The following GTF2IRD1 variants were observed in gnomAD, a reference collection of about 807,000 sequenced individuals.
GTF2IRD1 encodes the protein GTF2I repeat domain containing 1.
Under a neutral mutation model 113.2 loss-of-function variants are expected in GTF2IRD1, and 26 were observed. That is an observed-to-expected ratio of 0.23 (90% CI 0.17 to 0.32). The LOEUF (loss-of-function observed/expected upper bound fraction) is 0.32, where lower values mean the gene tolerates loss of function less well. Among genes scored for constraint, GTF2IRD1 ranks in the 10% least tolerant of loss-of-function variants. The probability of loss-of-function intolerance (pLI) is 1.00; values close to 1 mark genes in which losing one functional copy is unlikely to be tolerated. For missense variants in GTF2IRD1, 864 were observed against 1,280.8 expected, an observed-to-expected ratio of 0.67 and a Z score of 4.97; for synonymous variants, 484 against 529.1, an observed-to-expected ratio of 0.91 and a Z score of 1.17.
chr7:74,474,884 G>A (rs1212317453), intron 1 of GTF2IRD1, among the ~76,000 whole-genome samples: 2 of 152,110 alleles, frequency 1.3e-5, no homozygotes, highest in East Asian at 1.9e-4. Flanking sequence ...AGGTTGAGGC[G>A]GGAAGACTGC....
At chr7:74,580,324 G>A (rs1183351420) in intron 22 of GTF2IRD1, among the ~76,000 whole-genome samples, 1 of 152,116 alleles carries the variant, frequency 6.6e-6, no homozygotes, top group South Asian at 2.1e-4. Context: ...ACAGATCGCA[G>A]TCTCTCCCCT....
At chr7:74,589,703 GAAA>G in intron 22 of GTF2IRD1, 145 bp from the exon 23 acceptor site, 17 of 431,370 alleles carry the variant, frequency 3.9e-5, no homozygotes, top group South Asian at 5.5e-5. Context: ...GTCTCAAAAG[GAAA>G]AAAAAAAAAA....
intron 22 of GTF2IRD1, among the ~76,000 whole-genome samples, chr7:74,577,101 A>G (rs1250490107): frequency 2.0e-5 from 3 of 150,976 alleles, no homozygotes; most frequent in Non-Finnish European, 4.4e-5. Flanking sequence ...GCAGTGGCGC[A>G]ATCTCGGCTC....
At chr7:74,535,207 C>A (rs1798222980) in intron 10 of GTF2IRD1, 69 bp downstream of exon 10, 1 of 1,259,418 alleles carries the variant, frequency 7.9e-7, no homozygotes, top group Non-Finnish European at 1.2e-6. Context: ...CGAGCTGCCA[C>A]CACCCTGGAC....
At chr7:74,540,890 T>A (rs1554351525) in intron 14 of GTF2IRD1, among the ~76,000 whole-genome samples, 4 of 151,664 alleles carry the variant, frequency 2.6e-5, no homozygotes, top group African/African-American at 9.7e-5. Flanking sequence ...TTCTCCTGAG[T>A]AGCTGGGATT....
chr7:74,601,414 G>A, intron 26 of GTF2IRD1: 1 of 1,479,004 alleles, frequency 6.8e-7, no homozygotes, highest in South Asian at 1.4e-5. Flanking sequence ...CATCCTCGCT[G>A]GGCAGATGGG....
chr7:74,573,979 G>A (rs1800846450), intron 22 of GTF2IRD1, among the ~76,000 whole-genome samples: 1 of 151,948 alleles, frequency 6.6e-6, no homozygotes, highest in Non-Finnish European at 1.5e-5. Context: ...CTTTTTGTTT[G>A]TTTCTGTTTT....
intron 22 of GTF2IRD1, among the ~76,000 whole-genome samples, chr7:74,583,661 A>ATC (rs1253914727): frequency 6.6e-6 from 1 of 151,886 alleles, no homozygotes; most frequent in African/African-American, 2.4e-5. Context: ...CCTGTGCCCC[A>ATC]TATAGAATTG....
At chr7:74,599,780 C>A (rs1390216622) in intron 25 of GTF2IRD1, among the ~76,000 whole-genome samples, 1 of 152,166 alleles carries the variant, frequency 6.6e-6, no homozygotes, top group Non-Finnish European at 1.5e-5. Context: ...ACCTTGGTCT[C>A]CCAAAGTGCT....
intron 9 of GTF2IRD1, among the ~76,000 whole-genome samples, chr7:74,533,749 C>T (rs1383727114): frequency 3.9e-5 from 6 of 152,068 alleles, no homozygotes; most frequent in East Asian, 1.9e-4. Flanking sequence ...AAGGGTCCCA[C>T]AAGGCCAGGC....
intron 8 of GTF2IRD1, among the ~76,000 whole-genome samples, chr7:74,526,021 A>G (rs1349796914): frequency 6.6e-6 from 1 of 152,070 alleles, no homozygotes; most frequent in Admixed American, 6.6e-5. Flanking sequence ...TGGCCCAGCC[A>G]CGCCTCCTCA....
chr7:74,524,869 A>G (rs944259086), intron 8 of GTF2IRD1, among the ~76,000 whole-genome samples: 1 of 152,150 alleles, frequency 6.6e-6, no homozygotes, highest in Non-Finnish European at 1.5e-5. Flanking sequence ...GTCTCAAAAA[A>G]TATAAATAAA....
intron 20 of GTF2IRD1, 27 bp from the exon 21 acceptor site, chr7:74,558,834 G>C: frequency 6.3e-7 from 1 of 1,594,508 alleles, no homozygotes; most frequent in Non-Finnish European, 8.6e-7. Context: ...CACTCCTGAC[G>C]GGCAGGACCC....
chr7:74,508,993 AATGAG>A (rs1554342006), intron 2 of GTF2IRD1, among the ~76,000 whole-genome samples: 1 of 152,082 alleles, frequency 6.6e-6, no homozygotes, highest in African/African-American at 2.4e-5. Flanking sequence ...ATTTATCCCA[AATGAG>A]GACATCATAA....
At chr7:74,519,777 G>A (rs2130271669) in intron 6 of GTF2IRD1, 58 bp downstream of exon 6, 1 of 1,270,328 alleles carries the variant, frequency 7.9e-7, no homozygotes, top group South Asian at 1.4e-5. Flanking sequence ...CACTCATGCA[G>A]GGGACAGCCT....
intron 21 of GTF2IRD1, 105 bp from the exon 22 acceptor site, chr7:74,559,522 G>A: frequency 2.2e-6 from 2 of 922,106 alleles, no homozygotes; most frequent in Admixed American, 2.5e-5. Flanking sequence ...TGCTGCTGTA[G>A]GTCTGGGGTG....
At chr7:74,525,756 CA>C (rs1554347106) in intron 8 of GTF2IRD1, among the ~76,000 whole-genome samples, 1 of 146,136 alleles carries the variant, frequency 6.8e-6, no homozygotes, top group African/African-American at 2.5e-5. Context: ...GACTTTCTCT[CA>C]AAAAAAGAAA....
At chr7:74,568,634 C>A (rs1422394706) in intron 22 of GTF2IRD1, among the ~76,000 whole-genome samples, 2 of 151,698 alleles carry the variant, frequency 1.3e-5, no homozygotes, top group Non-Finnish European at 2.9e-5. Flanking sequence ...TGCGACAGAG[C>A]GAGACTCTGT....
chr7:74,570,000 G>A (rs1210733101), intron 22 of GTF2IRD1, among the ~76,000 whole-genome samples: 1 of 152,080 alleles, frequency 6.6e-6, no homozygotes, highest in Non-Finnish European at 1.5e-5. Flanking sequence ...CAGAGTAGAC[G>A]AGGTGGGGGA....
Sources: gnomAD v4.1 joint callset for allele counts (sites outside exome capture counted in the v4.1 genomes callset) on GRCh38, gnomAD v4.1.1 for gene constraint, MANE v1.5 for transcripts, NCBI Gene and HGNC (gene_info 2026-07-23, HGNC 2026-07-21) for gene names.